NXPE2: variants seen among roughly 807,000 people sequenced by gnomAD.
NXPE2 encodes neurexophilin and PC-esterase domain family member 2, also known as NXPE family member 2.
Under a neutral mutation model 34.4 loss-of-function variants are expected in NXPE2, and 34 were observed. The observed-to-expected ratio is 0.99, with a 90% CI of 0.75 to 1.31. The LOEUF (loss-of-function observed/expected upper bound fraction) is 1.31, where lower values mean the gene tolerates loss of function less well. Ranked by LOEUF, NXPE2 falls within the 40% of genes most tolerant of loss-of-function variation. The pLI, the probability that NXPE2 is intolerant of heterozygous loss-of-function variation, is 0.00. For synonymous variants in NXPE2, 235 were observed against 231.3 expected (o/e 1.02, Z -0.15); for missense variants, 649 against 672.5 (o/e 0.97, Z 0.39).
chr11:114,640,949 G>A, the NXPE2 span, among the ~76,000 whole-genome samples: 2 of 151,950 alleles, frequency 1.3e-5, no homozygotes, highest in Admixed American at 6.6e-5. Flanking sequence ...AAGGAAAAAG[G>A]CAGTAGAACA....
the NXPE2 span, among the ~76,000 whole-genome samples, chr11:114,614,441 G>T: frequency 1.3e-5 from 2 of 151,988 alleles, no homozygotes; most frequent in African/African-American, 4.8e-5. Context: ...ATTGCCTCGT[G>T]GGTAACCACT....
the NXPE2 span, among the ~76,000 whole-genome samples, chr11:114,811,029 T>C: frequency 6.6e-6 from 1 of 152,090 alleles, no homozygotes; most frequent in African/African-American, 2.4e-5. Flanking sequence ...GTTCATGTCC[T>C]TTGTAGGGAC....
At chr11:114,751,443 A>G in the NXPE2 span, among the ~76,000 whole-genome samples, 1 of 152,292 alleles carries the variant, frequency 6.6e-6, no homozygotes, top group East Asian at 1.9e-4. Flanking sequence ...GAATATATCT[A>G]TACACAGATA....
chr11:114,596,933 G>A, the NXPE2 span, among the ~76,000 whole-genome samples: 24,549 of 152,116 alleles, frequency 0.16, 2,496 homozygotes, highest in Non-Finnish European at 0.22. Context: ...GATTTGTGCA[G>A]GTCATCTGAT....
chr11:114,682,074 G>A (rs529215501), intron 2 of NXPE2, among the ~76,000 whole-genome samples: 1 of 151,430 alleles, frequency 6.6e-6, no homozygotes, highest in African/African-American at 2.4e-5. Context: ...CTATGAGAGA[G>A]GAGACTTAAT....
the NXPE2 span, among the ~76,000 whole-genome samples, chr11:114,725,994 A>ATATATAT: frequency 2.5e-3 from 216 of 87,680 alleles, 12 homozygotes; most frequent in East Asian, 0.018. Flanking sequence ...TATATATATA[A>ATATATAT]AAAGAAAAAG....
At chr11:114,578,715 A>G in the NXPE2 span, among the ~76,000 whole-genome samples, 1 of 152,158 alleles carries the variant, frequency 6.6e-6, no homozygotes, top group East Asian at 1.9e-4. Flanking sequence ...GGGGTCATAG[A>G]GGGGTAGACA....
At chr11:114,601,913 AT>A in the NXPE2 span, among the ~76,000 whole-genome samples, 100 of 39,068 alleles carry the variant, frequency 2.6e-3, 1 homozygote, top group South Asian at 0.01. Context: ...ATATTATATA[AT>A]TATATATAAT....
the NXPE2 span, among the ~76,000 whole-genome samples, chr11:114,604,419 C>A: frequency 2.6e-5 from 4 of 151,682 alleles, no homozygotes; most frequent in African/African-American, 9.7e-5. Context: ...AGTATTGCCT[C>A]GTGGGTAACC....
At chr11:114,809,180 G>A in the NXPE2 span, among the ~76,000 whole-genome samples, 3 of 151,942 alleles carry the variant, frequency 2.0e-5, no homozygotes, top group East Asian at 5.9e-4. Context: ...ATTAGGTATT[G>A]ATGGGACGTA....
At chr11:114,770,030 T>G in the NXPE2 span, among the ~76,000 whole-genome samples, 317 of 152,336 alleles carry the variant, frequency 2.1e-3, no homozygotes, top group African/African-American at 7.5e-3. Context: ...ACTACTTTTC[T>G]GTGGAAAGGT....
At chr11:114,799,271 G>C in the NXPE2 span, among the ~76,000 whole-genome samples, 1 of 108,242 alleles carries the variant, frequency 9.2e-6, no homozygotes, top group Non-Finnish European at 1.8e-5. Flanking sequence ...TACAAATGGA[G>C]AAGATGAGAG....
chr11:114,712,138 C>T, the NXPE2 span, among the ~76,000 whole-genome samples: 7 of 152,120 alleles, frequency 4.6e-5, no homozygotes, highest in Non-Finnish European at 7.4e-5. Context: ...TATCACTTCT[C>T]GGCCTTTTGG....
chr11:114,696,650 A>G (rs908283418), intron 2 of NXPE2, among the ~76,000 whole-genome samples: 7 of 152,222 alleles, frequency 4.6e-5, no homozygotes, highest in Admixed American at 4.6e-4. Flanking sequence ...GAAGAAAAGC[A>G]TATATCAATA....
chr11:114,620,501 T>G, the NXPE2 span, among the ~76,000 whole-genome samples: 7,367 of 151,762 alleles, frequency 0.049, 581 homozygotes, highest in African/African-American at 0.17. Flanking sequence ...TAATAAGTGT[T>G]GCCTCTAGGG....
At chr11:114,522,839 C>G in the NXPE2 span, 42 of 1,465,626 alleles carry the variant, frequency 2.9e-5, no homozygotes, top group Non-Finnish European at 3.5e-5. Flanking sequence ...TACTTTAAAA[C>G]CAGCCTGAAT....
chr11:114,746,441 A>G, the NXPE2 span, among the ~76,000 whole-genome samples: 1 of 152,270 alleles, frequency 6.6e-6, no homozygotes, highest in Non-Finnish European at 1.5e-5. Flanking sequence ...TAAATCATTC[A>G]AGGATTGTTA....
chr11:114,511,036 AC>A, the NXPE2 span, among the ~76,000 whole-genome samples: 1 of 152,192 alleles, frequency 6.6e-6, no homozygotes, highest in Non-Finnish European at 1.5e-5. Context: ...TCTACTACCA[AC>A]CTAGGAAATT....
chr11:114,630,675 G>C, the NXPE2 span, among the ~76,000 whole-genome samples: 58 of 150,842 alleles, frequency 3.8e-4, no homozygotes, highest in Middle Eastern at 3.4e-3. Context: ...TGACAAATGG[G>C]ATCTAATTAA....
Sources: allele counts gnomAD v4.1 joint callset (sites outside exome capture counted in the v4.1 genomes callset), GRCh38; gene constraint gnomAD v4.1.1; transcripts MANE v1.5; gene names NCBI Gene and HGNC (gene_info 2026-07-23, HGNC 2026-07-21).